Variants in DLGAP2 observed in about 807,000 individuals in gnomAD.
DLGAP2 encodes the protein DLG associated protein 2.
Under a neutral mutation model 100.3 loss-of-function variants are expected in DLGAP2, and 26 were observed. That is an observed-to-expected ratio of 0.26 (90% CI 0.19 to 0.36). The LOEUF (loss-of-function observed/expected upper bound fraction) is 0.36, where lower values mean the gene tolerates loss of function less well. DLGAP2 is among the 10% of genes least tolerant of loss of function. The probability of loss-of-function intolerance (pLI) is 1.00; values close to 1 mark genes in which losing one functional copy is unlikely to be tolerated. For missense variants in DLGAP2, 1,858 were observed against 1,453.2 expected, an observed-to-expected ratio of 1.28 and a Z score of -4.53; for synonymous variants, 886 against 630.1, an observed-to-expected ratio of 1.41 and a Z score of -6.08.
chr8:1,634,438 C>G (rs538022568), intron 8 of DLGAP2, among the ~76,000 whole-genome samples: 1 of 152,168 alleles, frequency 6.6e-6, no homozygotes, highest in Middle Eastern at 3.2e-3. Flanking sequence ...ACACATCCCC[C>G]AGGTGCAGCC....
At chr8:1,448,015 T>C (rs1798030302) in intron 3 of DLGAP2, among the ~76,000 whole-genome samples, 5 of 152,228 alleles carry the variant, frequency 3.3e-5, no homozygotes, top group Admixed American at 3.3e-4. Flanking sequence ...CTATCTATTT[T>C]GTTGATCTTT....
chr8:1,374,410 T>C (rs978109396), intron 3 of DLGAP2, among the ~76,000 whole-genome samples: 1 of 152,220 alleles, frequency 6.6e-6, no homozygotes, highest in African/African-American at 2.4e-5. Context: ...CCAACTTTTG[T>C]TCTTGGACCA....
intron 3 of DLGAP2, among the ~76,000 whole-genome samples, chr8:1,409,740 G>A (rs958709041): frequency 2.0e-5 from 3 of 152,146 alleles, no homozygotes; most frequent in African/African-American, 7.2e-5. Context: ...GGCTCAAATA[G>A]AACTGAAAGA....
chr8:999,062 G>A (rs1339393578), intron 2 of DLGAP2, among the ~76,000 whole-genome samples: 1 of 152,108 alleles, frequency 6.6e-6, no homozygotes, highest in Non-Finnish European at 1.5e-5. Flanking sequence ...TCCATGCTGT[G>A]CCTATGTGAT....
chr8:1,638,079 G>A (rs1477726763), intron 8 of DLGAP2, among the ~76,000 whole-genome samples: 1 of 152,194 alleles, frequency 6.6e-6, no homozygotes. Context: ...TGGGGGACAT[G>A]AGCTGAGAGG....
At chr8:1,582,307 A>AGCCCCACAC (rs1292749651) in intron 6 of DLGAP2, among the ~76,000 whole-genome samples, 17 of 102,204 alleles carry the variant, frequency 1.7e-4, no homozygotes, top group East Asian at 2.8e-4. Flanking sequence ...GATACAGATA[A>AGCCCCACAC]AACCTTAAAA....
intron 2 of DLGAP2, among the ~76,000 whole-genome samples, chr8:1,113,808 A>G (rs998757160): frequency 1.3e-5 from 2 of 152,172 alleles, no homozygotes; most frequent in African/African-American, 2.4e-5. Context: ...GCTTTTACCT[A>G]TGCAGTATGA....
chr8:912,600 G>T (rs538748007), intron 2 of DLGAP2, among the ~76,000 whole-genome samples: 2 of 151,972 alleles, frequency 1.3e-5, no homozygotes, highest in African/African-American at 4.8e-5. Flanking sequence ...CATTGGAGCC[G>T]GCTCCTGCTC....
At chr8:880,946 T>C (rs1011968321) in intron 1 of DLGAP2, among the ~76,000 whole-genome samples, 8 of 152,248 alleles carry the variant, frequency 5.3e-5, no homozygotes, top group African/African-American at 1.9e-4. Flanking sequence ...TCACTTAATA[T>C]CTAATTGCAC....
chr8:1,635,835 T>A (rs929928160), intron 8 of DLGAP2, among the ~76,000 whole-genome samples: 2 of 152,212 alleles, frequency 1.3e-5, no homozygotes, highest in African/African-American at 4.8e-5. Context: ...CATGGACAGG[T>A]TGAGGTTCCC....
chr8:1,165,100 T>C (rs929538001), intron 2 of DLGAP2, among the ~76,000 whole-genome samples: 1 of 147,306 alleles, frequency 6.8e-6, no homozygotes, highest in African/African-American at 2.5e-5. Flanking sequence ...TCCTTCCCTC[T>C]CAGGCCCTGC....
chr8:1,173,251 C>T (rs1043269583), intron 2 of DLGAP2, among the ~76,000 whole-genome samples: 29 of 152,148 alleles, frequency 1.9e-4, no homozygotes, highest in African/African-American at 6.5e-4. Flanking sequence ...AGTTTTGTCT[C>T]AGAGGAGTAC....
Position 957,072 on chromosome 8 carries a change from C to T in DLGAP2, c.73+49106C>T, listed in dbSNP as rs539019511. Among the ~76,000 whole-genome samples the T allele has an allele frequency of 7.9e-5, 12 of 152,326 alleles. No individual in the cohort carries two copies. In the South Asian group the frequency reaches 2.5e-3, roughly 32 times the overall value. On this transcript the variant is annotated intron_variant, in intron 2 of 14. Coordinates refer to ENST00000637795, the MANE Select transcript of DLGAP2 (RefSeq NM_001346810.2). ...AAGCACCCAAGCTGGTTGGAAAGCT[C>T]AGACCATTTGCAAAGATGTGGGAGA... is the stretch of plus-strand genomic sequence containing the variant.
At chr8:1,242,829 T>G (rs9644307) in intron 2 of DLGAP2, among the ~76,000 whole-genome samples, 3 of 151,560 alleles carry the variant, frequency 2.0e-5, no homozygotes, top group African/African-American at 4.9e-5. Flanking sequence ...GATGGACCGA[T>G]GGATAGATGG....
intron 7 of DLGAP2, 136 bp downstream of exon 7, chr8:1,627,023 T>C (rs987358285): frequency 2.1e-4 from 227 of 1,090,942 alleles, no homozygotes; most frequent in Admixed American, 1.5e-3. Context: ...CCAAAGGGGG[T>C]TCCCCTGGAA....
At chr8:1,093,041 TGCAGCTGAGGCTG>T (rs59591461) in intron 2 of DLGAP2, among the ~76,000 whole-genome samples, 24,053 of 152,088 alleles carry the variant, frequency 0.16, 1,942 homozygotes, top group Admixed American at 0.21. Flanking sequence ...GAGCCAGTGC[TGCAGCTGAGGCTG>T]GCAGCTGAGG....
At chr8:1,144,130 G>A (rs1796566950) in intron 2 of DLGAP2, among the ~76,000 whole-genome samples, 3 of 152,216 alleles carry the variant, frequency 2.0e-5, no homozygotes, top group Admixed American at 2.0e-4. Flanking sequence ...AATGAGGGGA[G>A]TCACGGAAGA....
intron 2 of DLGAP2, among the ~76,000 whole-genome samples, chr8:1,106,911 C>CT (rs2129044935): frequency 1.3e-5 from 2 of 152,292 alleles, no homozygotes; most frequent in South Asian, 4.1e-4. Flanking sequence ...GGATAAGACT[C>CT]TAAGGGTTCT....
chr8:817,679 C>T (rs1015683572), intron 1 of DLGAP2, among the ~76,000 whole-genome samples: 2 of 152,288 alleles, frequency 1.3e-5, no homozygotes, highest in Admixed American at 1.3e-4. Context: ...GTGTTCTCCC[C>T]CTTCCCTTAG....
Sources: allele counts gnomAD v4.1 joint callset (sites outside exome capture counted in the v4.1 genomes callset), GRCh38; gene constraint gnomAD v4.1.1; transcripts MANE v1.5; gene names NCBI Gene and HGNC (gene_info 2026-07-23, HGNC 2026-07-21).